The following DOCK1 variants were observed in gnomAD, a reference collection of about 807,000 sequenced individuals.
DOCK1 encodes the protein dedicator of cytokinesis protein 1.
Under a neutral mutation model 262.7 loss-of-function variants are expected in DOCK1, and 138 were observed. That is an observed-to-expected ratio of 0.53 (90% CI 0.46 to 0.61). The LOEUF (loss-of-function observed/expected upper bound fraction) is 0.61, where lower values mean the gene tolerates loss of function less well. DOCK1 is among the 20% of genes least tolerant of loss of function. The pLI is 0.00. For synonymous variants in DOCK1, 866 were observed against 867.4 expected, an observed-to-expected ratio of 1.00 and a Z score of 0.03; for missense variants, 1,908 against 2,370.7, an observed-to-expected ratio of 0.80 and a Z score of 4.05.
chr10:127,293,682 A>G (rs887521720), intron 29 of DOCK1, among the ~76,000 whole-genome samples: 8 of 152,128 alleles, frequency 5.3e-5, no homozygotes, highest in South Asian at 2.1e-4. Context: ...TGCCCTATGA[A>G]CCAGAAGATC....
chr10:126,983,626 C>A (rs1189716417), intron 4 of DOCK1, among the ~76,000 whole-genome samples: 1 of 152,152 alleles, frequency 6.6e-6, no homozygotes, highest in Non-Finnish European at 1.5e-5. Context: ...CTTTCTCTTG[C>A]AGGCTCTGTC....
intron 27 of DOCK1, among the ~76,000 whole-genome samples, chr10:127,160,012 C>G (rs2053451580): frequency 6.6e-6 from 1 of 152,204 alleles, no homozygotes. Flanking sequence ...AGCTTTCTTC[C>G]CGGCCACATA....
intron 47 of DOCK1, among the ~76,000 whole-genome samples, chr10:127,427,234 G>A (rs1343996076): frequency 1.3e-5 from 2 of 152,200 alleles, no homozygotes; most frequent in Admixed American, 1.3e-4. Context: ...AGGAAGGCGA[G>A]CTGTGGGAAG....
chr10:127,260,607 CTGCATGTGTG>C (rs962143501), intron 29 of DOCK1, among the ~76,000 whole-genome samples: 9 of 150,654 alleles, frequency 6.0e-5, no homozygotes, highest in African/African-American at 1.7e-4. Context: ...GTGTGTGTAC[CTGCATGTGTG>C]TGCATGTGGG....
intron 23 of DOCK1, among the ~76,000 whole-genome samples, chr10:127,076,370 T>G (rs193054994): frequency 3.6e-4 from 55 of 152,198 alleles, no homozygotes; most frequent in East Asian, 2.5e-3. Flanking sequence ...GCGTGGTGGC[T>G]GGCGCCTGTA....
chr10:127,448,586 G>T (rs1200251562), intron 51 of DOCK1, among the ~76,000 whole-genome samples: 9 of 152,140 alleles, frequency 5.9e-5, no homozygotes, highest in Non-Finnish European at 1.3e-4. Context: ...CTGCTTCTAG[G>T]CTCAGGCCTC....
At chr10:127,148,469 A>C (rs1484689427) in intron 27 of DOCK1, among the ~76,000 whole-genome samples, 1 of 152,188 alleles carries the variant, frequency 6.6e-6, no homozygotes, top group African/African-American at 2.4e-5. Flanking sequence ...CAGTTGGTCC[A>C]TGTTATTTTC....
intron 1 of DOCK1, among the ~76,000 whole-genome samples, chr10:126,941,088 T>A (rs2034943174): frequency 6.6e-6 from 1 of 152,206 alleles, no homozygotes; most frequent in Non-Finnish European, 1.5e-5. Flanking sequence ...ATCTGTTTGG[T>A]CATTGTCTGG....
At chr10:127,351,516 T>A (rs2063880165) in intron 31 of DOCK1, among the ~76,000 whole-genome samples, 1 of 152,190 alleles carries the variant, frequency 6.6e-6, no homozygotes, top group African/African-American at 2.4e-5. Flanking sequence ...TGTGGGAGTC[T>A]GAGGACTTGG....
intron 29 of DOCK1, among the ~76,000 whole-genome samples, chr10:127,316,324 C>T (rs1323875974): frequency 6.6e-6 from 1 of 152,144 alleles, no homozygotes; most frequent in Admixed American, 6.5e-5. Context: ...CCCCACTCAC[C>T]CCGCCTTTAT....
At chr10:127,073,029 A>G (rs187637591) in intron 23 of DOCK1, among the ~76,000 whole-genome samples, 3 of 152,348 alleles carry the variant, frequency 2.0e-5, no homozygotes, top group African/African-American at 7.2e-5. Flanking sequence ...GCAAACGCTC[A>G]TCTGCACTTC....
chr10:127,369,102 T>C (rs1173525855), intron 33 of DOCK1, among the ~76,000 whole-genome samples: 1 of 152,206 alleles, frequency 6.6e-6, no homozygotes, highest in Non-Finnish European at 1.5e-5. Context: ...AGCTCCTGTT[T>C]GAATAATCTC....
chr10:127,143,384 C>A (rs1329059117), intron 27 of DOCK1, among the ~76,000 whole-genome samples: 1 of 152,188 alleles, frequency 6.6e-6, no homozygotes, highest in Non-Finnish European at 1.5e-5. Flanking sequence ...GAGTCTTCCC[C>A]AGTGCTAACC....
intron 33 of DOCK1, among the ~76,000 whole-genome samples, chr10:127,364,619 C>G (rs2064795583): frequency 6.6e-6 from 1 of 152,198 alleles, no homozygotes; most frequent in East Asian, 1.9e-4. Flanking sequence ...TCGCCTCAGC[C>G]TCCCAAAGTG....
At chr10:127,348,904 CAATTT>C (rs1746672740) in intron 31 of DOCK1, among the ~76,000 whole-genome samples, 1 of 152,106 alleles carries the variant, frequency 6.6e-6, no homozygotes, top group Non-Finnish European at 1.5e-5. Context: ...GAGATACGAT[CAATTT>C]AATTTGTGTC....
chr10:127,220,420 T>C (rs572066825), intron 27 of DOCK1, among the ~76,000 whole-genome samples: 1 of 151,932 alleles, frequency 6.6e-6, no homozygotes, highest in Non-Finnish European at 1.5e-5. Context: ...GGCTGCCACA[T>C]TTAACAAATA....
At chr10:127,107,562 G>A (rs905433172) in intron 24 of DOCK1, among the ~76,000 whole-genome samples, 3 of 152,176 alleles carry the variant, frequency 2.0e-5, no homozygotes, top group African/African-American at 2.4e-5. Context: ...CCCACCTGGC[G>A]CGCTGTAGAG....
At chr10:127,281,251 A>G (rs2060953010) in intron 29 of DOCK1, among the ~76,000 whole-genome samples, 1 of 152,214 alleles carries the variant, frequency 6.6e-6, no homozygotes, top group Non-Finnish European at 1.5e-5. Context: ...CATAATTGGT[A>G]GAAAGTTAGC....
chr10:126,949,705 A>G (rs2036019497), intron 1 of DOCK1, among the ~76,000 whole-genome samples: 1 of 152,148 alleles, frequency 6.6e-6, no homozygotes, highest in East Asian at 1.9e-4. Context: ...GAAAAGTATT[A>G]CTCAAGAATA....
Sources: allele counts gnomAD v4.1 joint callset (sites outside exome capture counted in the v4.1 genomes callset), GRCh38; gene constraint gnomAD v4.1.1; transcripts MANE v1.5; gene names NCBI Gene and HGNC (gene_info 2026-07-23, HGNC 2026-07-21).